The following UBE3B variants were observed in gnomAD, a reference collection of about 807,000 sequenced individuals.
The protein encoded by UBE3B is ubiquitin protein ligase E3B, also known as ubiquitin-protein ligase E3B.
UBE3B carries 80 observed loss-of-function variants against 132.3 expected under a neutral mutation model. That is an observed-to-expected ratio of 0.60 (90% confidence interval 0.50 to 0.73). The LOEUF (loss-of-function observed/expected upper bound fraction) is 0.73, where lower values mean the gene tolerates loss of function less well. UBE3B is among the 30% of genes least tolerant of loss of function. The probability of loss-of-function intolerance (pLI) is 0.00; values close to 1 mark genes in which losing one functional copy is unlikely to be tolerated. For synonymous variants in UBE3B, 487 were observed against 520.4 expected (o/e 0.94, Z 0.87); for missense variants, 1,196 against 1,362.5 (o/e 0.88, Z 1.92).
chr12:109,541,402 G>A (rs369810322), downstream of UBE3B, among the ~76,000 whole-genome samples: 12 of 152,160 alleles, frequency 7.9e-5, no homozygotes, highest in Admixed American at 4.6e-4. Flanking sequence ...TTCACTTCTC[G>A]GAGATTCATT....
intron 19 of UBE3B, 51 bp downstream of exon 19, chr12:109,516,935 A>G: frequency 6.3e-7 from 1 of 1,593,524 alleles, no homozygotes; most frequent in Non-Finnish European, 8.6e-7. Context: ...GCCCTGCAAC[A>G]TGGAAGCTCT....
intron 14 of UBE3B, among the ~76,000 whole-genome samples, chr12:109,504,543 G>A (rs1358343834): frequency 6.6e-6 from 1 of 152,214 alleles, no homozygotes; most frequent in Admixed American, 6.5e-5. Context: ...GAGAAGACCG[G>A]GGGCAGGGCC....
Position 109,529,944 on chromosome 12 carries a change from C to A in UBE3B, c.2682C>A (p.Asn894Lys), listed in dbSNP as rs768132757. The change falls in exon 25 of 28, where the codon AAC (asparagine) becomes AAA (lysine). Residue 894 changes from asparagine (N) to lysine (K), a missense_variant. Coordinates refer to ENST00000342494, the MANE Select transcript of UBE3B (RefSeq NM_130466.4). ...AHFRMHTQIK[N>K]QTAALISGFR... ...TTCGAATGCACACTCAAATAAAAAA[C>A]CAAACAGCTGCCCTCATTAGCGGAT... The A allele has an allele frequency of 1.9e-6, 3 of 1,614,114 alleles. No individual in the cohort carries two copies. Among genetic ancestry groups the A allele is most frequent in the Non-Finnish European group, 2.5e-6 (3 of 1,180,048 alleles).
intron 14 of UBE3B, among the ~76,000 whole-genome samples, chr12:109,506,257 G>A (rs1879662233): frequency 6.6e-6 from 1 of 152,262 alleles, no homozygotes; most frequent in Admixed American, 6.5e-5. Flanking sequence ...GCAAGGGTCA[G>A]CAGACTACTG....
At position 109,513,597 on chromosome 12, in the gene UBE3B, G is replaced by T. The variant is rs191288751; in HGVS notation, c.1956+2294G>T. Among the ~76,000 whole-genome samples the T allele has an allele frequency of 3.9e-5, 6 of 152,262 alleles. No homozygotes were observed. The East Asian group carries it at 1.2e-3, about 29-fold the overall frequency. The stretch of plus-strand genomic sequence containing the variant: ...TAGGAGTACCATGAAAAAAGTTACT[G>T]CAGTGATAGAGGTGCTGTGAATAAG... On this transcript the variant is annotated intron_variant, in intron 18 of 27. Coordinates refer to ENST00000342494, the MANE Select transcript of UBE3B (RefSeq NM_130466.4).
intron 17 of UBE3B, 58 bp downstream of exon 17, chr12:109,510,516 C>G (rs573218566): frequency 7.3e-6 from 10 of 1,372,138 alleles, no homozygotes; most frequent in East Asian, 2.4e-5. Context: ...GCACGCTGCC[C>G]GAGCACTCAG....
intron 9 of UBE3B, among the ~76,000 whole-genome samples, chr12:109,497,510 A>C (rs1278175036): frequency 6.7e-6 from 1 of 148,752 alleles, no homozygotes; most frequent in African/African-American, 2.5e-5. Context: ...CCCATCACAA[A>C]CTCCTTCCTC....
At chr12:109,511,141 G>C in intron 17 of UBE3B, 63 bp from the exon 18 acceptor site, 1 of 1,470,514 alleles carries the variant, frequency 6.8e-7, no homozygotes, top group Non-Finnish European at 9.4e-7. Context: ...TCATTTCCCA[G>C]CCTCACACTA....
chr12:109,538,319 T>A (rs942070567), downstream of UBE3B, among the ~76,000 whole-genome samples: 2 of 152,154 alleles, frequency 1.3e-5, no homozygotes, highest in Non-Finnish European at 2.9e-5. This position sits in a 1 kb window ranked among gnomAD's most constrained non-coding sequence, Gnocchi z 4.1. Flanking sequence ...TGGAAACTTA[T>A]CAAATTGGCC....
rs1641059402 is a variant in UBE3B, at chr12:109,516,829, G to A, written c.2021G>A (p.Ser674Asn). The A allele has an allele frequency of 1.9e-6, 3 of 1,613,952 alleles. No homozygotes were observed. In the African/African-American group the frequency reaches 4.0e-5, roughly 22 times the overall value. The change falls in exon 19 of 28, where the codon AGC becomes AAC. Residue 674 changes from serine (S) to asparagine (N), a missense_variant. Ser to Asn is a conservative substitution (Grantham distance 46). Coordinates refer to ENST00000342494, the MANE Select transcript of UBE3B (RefSeq NM_130466.4). The part of the protein sequence containing the change: ...EKEKLGLVET[S>N]SASPHVTHIT... ...GAGAAACTGGGGCTGGTGGAAACCA[G>A]CTCTGCCTCCCCGCATGTCACTCAC...
In UBE3B at chr12:109,477,891, C is replaced by A; in HGVS notation, c.-346C>A. 6.5e-6 allele frequency: 1 copy of A among 153,824 alleles called. No individual in the cohort carries two copies. The highest frequency in any genetic ancestry group is 1.5e-5 in the Non-Finnish European group (1 of 68,810). 9.5% of individuals were successfully genotyped at this position (153,824 alleles called of 1,614,324 possible). A position where few individuals can be genotyped will look rare whatever the true frequency, so the allele number is the denominator to read the frequency against. ...CTCTAGGGCACAGTCCCTGCCTGGCCAGGTCGGAGGAACAAGTGCTGGGAT... is the reference window on the plus strand; with the variant it reads ...CTCTAGGGCACAGTCCCTGCCTGGCAAGGTCGGAGGAACAAGTGCTGGGAT... On this transcript the variant is annotated 5_prime_UTR_variant, in exon 1 of 28. Coordinates refer to ENST00000342494, the MANE Select transcript of UBE3B (RefSeq NM_130466.4).
At chr12:109,502,630 G>A (rs907044706) in intron 13 of UBE3B, among the ~76,000 whole-genome samples, 6 of 152,150 alleles carry the variant, frequency 3.9e-5, no homozygotes, top group South Asian at 2.1e-4. Flanking sequence ...AGGTTGTCAC[G>A]CCTTACTTCC....
chr12:109,541,096 G>C (rs961828207), downstream of UBE3B, among the ~76,000 whole-genome samples: 1 of 152,236 alleles, frequency 6.6e-6, no homozygotes, highest in South Asian at 2.1e-4. Flanking sequence ...CCAAACCACT[G>C]CTGCATCCCT....
chr12:109,484,485 G>A (rs187635513), intron 4 of UBE3B, among the ~76,000 whole-genome samples: 90 of 152,038 alleles, frequency 5.9e-4, no homozygotes, highest in African/African-American at 2.1e-3. Context: ...TTCACCTCCC[G>A]GGTTCAAGCA....
At chr12:109,546,891 G>A in the UBE3B span, among the ~76,000 whole-genome samples, 1 of 152,076 alleles carries the variant, frequency 6.6e-6, no homozygotes, top group African/African-American at 2.4e-5. Flanking sequence ...TGTATTTTTT[G>A]TAAAGACAGA....
chr12:109,539,351 A>G (rs546769631), downstream of UBE3B, among the ~76,000 whole-genome samples: 34 of 152,366 alleles, frequency 2.2e-4, no homozygotes, highest in South Asian at 6.8e-3. Flanking sequence ...CACGGCAGTC[A>G]TCCTGACTGT....
intron 18 of UBE3B, 37 bp from the exon 19 acceptor site, chr12:109,516,728 T>C: frequency 6.2e-7 from 1 of 1,600,498 alleles, no homozygotes; most frequent in Middle Eastern, 1.7e-4. Flanking sequence ...GTCAGTTTGC[T>C]GACCCTGTTT....
rs918080974 is a variant in UBE3B, at chr12:109,535,227, C to G, written c.*445C>G. On this transcript the variant is annotated 3_prime_UTR_variant, in exon 28 of 28. Transcript: ENST00000342494. ...GATCCTCTCCTTCCGTTTCTGAAAT[C>G]TCTTACTCAGGTAAGGCCTCGCCAA... 2.0e-5 allele frequency: 3 copies of G among 153,722 alleles called. No homozygotes were observed. Among genetic ancestry groups the G allele is most frequent in the African/African-American group, 7.2e-5 (3 of 41,504 alleles). The allele number at this position is 153,722 out of a possible 1,614,324, so 9.5% of individuals were successfully genotyped here.
chr12:109,515,948 G>C (rs951308420), intron 18 of UBE3B, among the ~76,000 whole-genome samples: 3 of 152,160 alleles, frequency 2.0e-5, no homozygotes, highest in African/African-American at 7.2e-5. Flanking sequence ...GAGGAGGCAG[G>C]TTGAAAGGTC....
Sources: gnomAD v4.1 joint callset for allele counts (sites outside exome capture counted in the v4.1 genomes callset) on GRCh38, gnomAD v4.1.1 for gene constraint, Gnocchi (gnomAD v3.1) non-coding constraint, MANE v1.5 for transcripts, NCBI Gene and HGNC (gene_info 2026-07-23, HGNC 2026-07-21) for gene names.